KDM3B: variants seen among roughly 807,000 people sequenced by gnomAD.
KDM3B encodes the protein lysine demethylase 3B, also known as lysine-specific demethylase 3B.
A neutral mutation model predicts 170.0 loss-of-function variants in KDM3B; 10 were observed. The ratio of observed to expected loss-of-function variants is 0.06; its 90% CI spans 0.04 to 0.10. The LOEUF is 0.10. Among genes scored for constraint, KDM3B ranks in the 10% least tolerant of loss-of-function variants. KDM3B has a pLI of 1.00. For missense variants in KDM3B, 1,394 were observed against 2,195.2 expected, an observed-to-expected ratio of 0.64 and a Z score of 7.29; for synonymous variants, 831 against 834.8, an observed-to-expected ratio of 1.00 and a Z score of 0.08.
chr5:138,391,372 G>A lies in KDM3B; in HGVS notation c.1740G>A (p.Lys580=), dbSNP rs1275402657. Reference sequence around the variant, plus strand: ...GATCCGTTCTTGGAACAGACACTAAGCCAGGCTCTAAGGCTGGCAGCTCTG... The same window carrying A: ...GATCCGTTCTTGGAACAGACACTAAACCAGGCTCTAAGGCTGGCAGCTCTG... The part of the protein sequence containing the change: ...KGRSVLGTDT[K]PGSKAGSSVD... Residue 580 remains lysine (K), a synonymous_variant, in exon 8 of 24, where the codon AAG becomes AAA. Coordinates refer to ENST00000314358, the MANE Select transcript of KDM3B (RefSeq NM_016604.4). The surrounding 1 kb of genome is among the most constrained non-coding windows in gnomAD (Gnocchi z 5.0). 1 of 1,614,082 alleles carries A rather than the reference G, an allele frequency of 6.2e-7. No individual in the cohort carries two copies. The highest frequency in any genetic ancestry group is 1.1e-5 in the South Asian group (1 of 91,082).
intron 1 of KDM3B, among the ~76,000 whole-genome samples, chr5:138,368,175 AG>A (rs1433778843): frequency 3.3e-5 from 5 of 151,772 alleles, no homozygotes; most frequent in Non-Finnish European, 5.9e-5. Context: ...ACTACCATTA[AG>A]GGTATGTGTT....
chr5:138,400,317 C>G (rs1398032448), intron 11 of KDM3B, among the ~76,000 whole-genome samples: 2 of 152,034 alleles, frequency 1.3e-5, no homozygotes, highest in African/African-American at 4.8e-5. Context: ...TTACTGCACC[C>G]TTGACCTAGG....
intron 3 of KDM3B, 51 bp from the exon 4 acceptor site, chr5:138,377,669 G>A (rs754447761): frequency 3.9e-6 from 5 of 1,289,290 alleles, no homozygotes; most frequent in African/African-American, 2.9e-5. Context: ...CTGATTAGAT[G>A]TTTGCTATTC....
At chr5:138,366,591 A>G (rs1465087860) in intron 1 of KDM3B, among the ~76,000 whole-genome samples, 2 of 152,140 alleles carry the variant, frequency 1.3e-5, no homozygotes, top group Non-Finnish European at 2.9e-5. Flanking sequence ...TCAGCCTTCC[A>G]AAGTGTTGGG....
intron 15 of KDM3B, 50 bp downstream of exon 15, chr5:138,421,012 C>A: frequency 1.3e-6 from 2 of 1,597,768 alleles, no homozygotes; most frequent in South Asian, 1.1e-5. Flanking sequence ...ATGAAAGAAC[C>A]ATCAGAGATC....
At chr5:138,384,682 T>G (rs540071421) in intron 6 of KDM3B, among the ~76,000 whole-genome samples, 8 of 146,672 alleles carry the variant, frequency 5.5e-5, no homozygotes, top group Non-Finnish European at 1.2e-4. Context: ...GAGGTTGTCA[T>G]GAGCTGAAAT....
intron 23 of KDM3B, among the ~76,000 whole-genome samples, chr5:138,432,414 G>T (rs771583474): frequency 7.1e-6 from 1 of 140,846 alleles, no homozygotes; most frequent in Non-Finnish European, 1.6e-5. Context: ...TACTTTAGTT[G>T]CATAAAAAGA....
intron 1 of KDM3B, among the ~76,000 whole-genome samples, chr5:138,367,887 C>T (rs1761780764): frequency 6.6e-6 from 1 of 152,062 alleles, no homozygotes; most frequent in African/African-American, 2.4e-5. Flanking sequence ...GTGGCAGGCA[C>T]CTGTAGTCCC....
intron 8 of KDM3B, 96 bp downstream of exon 8, chr5:138,392,357 A>C: frequency 7.9e-7 from 1 of 1,258,984 alleles, no homozygotes; most frequent in Non-Finnish European, 1.1e-6. Flanking sequence ...TTTGATGGAG[A>C]GTTCTGTAAT....
In KDM3B at chr5:138,391,779, G is replaced by A. The variant is rs753592316; in HGVS notation, c.2147G>A (p.Ser716Asn). ...LGSALTSGGP[S>N]LSAMGNGRSS... ...TCAGCTCTTACCAGTGGGGGCCCAA[G>A]CCTCTCTGCCATGGGGAATGGCCGC... The change falls in exon 8 of 24, where the codon AGC becomes AAC. Residue 716 changes from serine to asparagine, a missense_variant. Physicochemically the swap from Ser to Asn is conservative, Grantham distance 46 (BLOSUM62 1). This residue lies in a region of KDM3B where 294 missense variants were observed against 311.7 expected (regional missense o/e 0.94). Coordinates refer to ENST00000314358, the MANE Select transcript of KDM3B (RefSeq NM_016604.4). This position sits in a 1 kb window ranked among gnomAD's most constrained non-coding sequence, Gnocchi z 5.0. 2.7e-5 allele frequency: 44 copies of A among 1,613,956 alleles called. No homozygotes were observed. The highest frequency in any genetic ancestry group is 3.6e-5 in the Non-Finnish European group (42 of 1,180,024).
chr5:138,428,469 C>CCA (rs1274134517), intron 20 of KDM3B, among the ~76,000 whole-genome samples: 1 of 152,170 alleles, frequency 6.6e-6, no homozygotes, highest in African/African-American at 2.4e-5. Context: ...CCTCAGCCTC[C>CCA]CAAAGTGCTG....
At chr5:138,426,884 A>G (rs1763411709) in intron 17 of KDM3B, 91 bp from the exon 18 acceptor site, 1 of 427,768 alleles carries the variant, frequency 2.3e-6, no homozygotes, top group Non-Finnish European at 3.6e-6. Context: ...AAAAAAAGAA[A>G]AAAAAGAGAT....
intron 9 of KDM3B, 55 bp from the exon 10 acceptor site, chr5:138,398,123 T>G: frequency 7.6e-7 from 1 of 1,317,458 alleles, no homozygotes; most frequent in Non-Finnish European, 1.1e-6. Flanking sequence ...GGAGTTTAGG[T>G]GTGTGTTAGT....
chr5:138,414,602 T>C (rs998624228), intron 11 of KDM3B, among the ~76,000 whole-genome samples: 2 of 152,228 alleles, frequency 1.3e-5, no homozygotes, highest in African/African-American at 2.4e-5. Flanking sequence ...TAGTTGTTCA[T>C]TCAGTTTCTC....
intron 23 of KDM3B, among the ~76,000 whole-genome samples, chr5:138,432,712 C>G (rs150198003): frequency 5.3e-5 from 8 of 152,302 alleles, no homozygotes; most frequent in Admixed American, 2.0e-4. Context: ...TAGGCTTTCA[C>G]TGTGGCCTCT....
At chr5:138,368,134 A>G (rs996661469) in intron 1 of KDM3B, among the ~76,000 whole-genome samples, 2 of 151,996 alleles carry the variant, frequency 1.3e-5, no homozygotes, top group East Asian at 3.9e-4. Flanking sequence ...TTGCTAGTTT[A>G]TATCCCTTCT....
At chr5:138,415,069 A>G (rs2126984204) in intron 11 of KDM3B, 63 bp from the exon 12 acceptor site, 1 of 1,153,474 alleles carries the variant, frequency 8.7e-7, no homozygotes, top group Non-Finnish European at 1.3e-6. Context: ...CTGAAACTCC[A>G]TTCACTGAGA....
intron 2 of KDM3B, chr5:138,374,419 C>T (rs1471056594): frequency 4.0e-5 from 12 of 300,208 alleles, no homozygotes; most frequent in East Asian, 1.2e-4. Flanking sequence ...CCACCACTCC[C>T]GGCTTATTTT....
intron 8 of KDM3B, 110 bp from the exon 9 acceptor site, chr5:138,393,061 G>A (rs1186802320): frequency 2.1e-6 from 2 of 947,220 alleles, no homozygotes; most frequent in Non-Finnish European, 3.3e-6. Flanking sequence ...CCCAAGCAGG[G>A]AAAGGAGTAG....
Sources: gnomAD v4.1 joint callset for allele counts (sites outside exome capture counted in the v4.1 genomes callset) on GRCh38, gnomAD v4.1.1 for gene constraint, gnomAD v4.1.1 regional missense constraint, Gnocchi (gnomAD v3.1) non-coding constraint, MANE v1.5 for transcripts, NCBI Gene and HGNC (gene_info 2026-07-23, HGNC 2026-07-21) for gene names.